Variants in NIBAN1 observed in about 807,000 individuals in gnomAD.
NIBAN1 encodes the protein protein Niban 1.
Under a neutral mutation model 75.1 loss-of-function variants are expected in NIBAN1, and 81 were observed. The observed-to-expected ratio is 1.08, with a 90% CI of 0.90 to 1.30. The LOEUF (loss-of-function observed/expected upper bound fraction) is 1.30. Among genes scored for constraint, NIBAN1 ranks in the 50% most tolerant of loss-of-function variants. The pLI is 0.00. For missense variants in NIBAN1, 1,133 were observed against 1,128.1 expected, an observed-to-expected ratio of 1.00 and a Z score of -0.06; for synonymous variants, 436 against 424.8, an observed-to-expected ratio of 1.03 and a Z score of -0.32.
intron 1 of NIBAN1, among the ~76,000 whole-genome samples, chr1:184,937,586 G>T (rs1037447367): frequency 6.6e-6 from 1 of 152,188 alleles, no homozygotes; most frequent in Non-Finnish European, 1.5e-5. Context: ...GAAAGGTGGG[G>T]CTGATGCTTT....
At chr1:184,930,527 G>A (rs2102031271) in intron 1 of NIBAN1, among the ~76,000 whole-genome samples, 1 of 152,286 alleles carries the variant, frequency 6.6e-6, no homozygotes, top group Non-Finnish European at 1.5e-5. Flanking sequence ...AGCAAGTTAT[G>A]TAATTTCAGT....
intron 5 of NIBAN1, among the ~76,000 whole-genome samples, chr1:184,876,624 C>T (rs1362009377): frequency 6.6e-6 from 1 of 151,680 alleles, no homozygotes. Context: ...CCTCTTGAGC[C>T]AGGGAGGCAG....
chr1:184,830,071 G>C (rs1654955256), intron 6 of NIBAN1, among the ~76,000 whole-genome samples: 1 of 152,218 alleles, frequency 6.6e-6, no homozygotes, highest in South Asian at 2.1e-4. Flanking sequence ...CATAGAGTCA[G>C]TGCTCAGTAA....
chr1:184,794,935 T>C lies in NIBAN1; in HGVS notation c.*42A>G, dbSNP rs746463405. ...ACCCCTAAGTGTACCCCTATAACCCTTTGGCTTTTTTCAGAGAAAGACTTC... is the reference window on the plus strand; with the variant it reads ...ACCCCTAAGTGTACCCCTATAACCCCTTGGCTTTTTTCAGAGAAAGACTTC... On this transcript the variant is annotated 3_prime_UTR_variant, in exon 14 of 14. Transcript: ENST00000367511. 5.7e-5 allele frequency: 91 copies of C among 1,602,122 alleles called. No homozygotes were observed. The highest frequency in any genetic ancestry group is 7.0e-5 in the Non-Finnish European group (83 of 1,179,942).
rs543215887 is a variant in NIBAN1 at position 184,861,572 on chromosome 1, AGGAAGGAAGGAG to A, written c.601+23049_601+23060del. On this transcript the variant is annotated intron_variant, in intron 5 of 13. Coordinates refer to ENST00000367511, the MANE Select transcript of NIBAN1 (RefSeq NM_052966.4). ...AGGGAGGAAGGGAAAGAAGGAGAGAAGGAAGGAAGGAGGGAAGGAAGGAGGGAAGGAAGGAAG... is the reference window on the plus strand; with the variant it reads ...AGGGAGGAAGGGAAAGAAGGAGAGAAGGAAGGAAGGAGGGAAGGAAGGAAG... 5.6e-4 allele frequency among the ~76,000 whole-genome samples: 74 copies of A among 132,350 alleles called. No individual in the cohort carries two copies. In the East Asian group the frequency reaches 6.8e-3, roughly 12 times the overall value. The allele number at this position is 132,350 out of a possible 152,430, so 86.8% of individuals were successfully genotyped here.
chr1:184,966,129 G>A (rs1438636258), intron 1 of NIBAN1, among the ~76,000 whole-genome samples: 1 of 152,218 alleles, frequency 6.6e-6, no homozygotes, highest in Non-Finnish European at 1.5e-5. Context: ...GTGGTAGTCT[G>A]TTACCAGGGT....
At chr1:184,940,331 C>A (rs916010782) in intron 1 of NIBAN1, among the ~76,000 whole-genome samples, 2 of 152,180 alleles carry the variant, frequency 1.3e-5, no homozygotes, top group Admixed American at 6.5e-5. Context: ...TTTAACAAAT[C>A]AGTGATTGTA....
intron 5 of NIBAN1, among the ~76,000 whole-genome samples, chr1:184,880,219 A>G (rs1656341746): frequency 6.6e-6 from 1 of 152,178 alleles, no homozygotes; most frequent in Non-Finnish European, 1.5e-5. Flanking sequence ...TCTGAGTACC[A>G]TGGGTTGATA....
At chr1:184,839,550 T>TGTGTGTGTGTGTGTGTGTGCACGCGC (rs1363596880) in intron 5 of NIBAN1, among the ~76,000 whole-genome samples, 1 of 150,688 alleles carries the variant, frequency 6.6e-6, no homozygotes, top group Non-Finnish European at 1.5e-5. Context: ...CATTCCTGTG[T>TGTGTGTGTGTGTGTGTGTGCACGCGC]GTGTGTGTGT....
chr1:184,867,619 T>A (rs1655992064), intron 5 of NIBAN1, among the ~76,000 whole-genome samples: 1 of 152,226 alleles, frequency 6.6e-6, no homozygotes, highest in African/African-American at 2.4e-5. Context: ...CAGAACCACT[T>A]GGGCTTGGGC....
Position 184,831,881 on chromosome 1 carries a change from C to T in NIBAN1, c.683G>A (p.Gly228Asp), listed in dbSNP as rs1655008499. The change falls in exon 6 of 14, where the codon GGT becomes GAT. Residue 228 changes from glycine to aspartate, a missense_variant. Transcript: ENST00000367511. Reference protein sequence around the residue: ...QFFRQEKGHYGSWEMITGDEI... With the variant: ...QFFRQEKGHYDSWEMITGDEI... ...ATCCCCAGTGATCATTTCCCAGGAA[C>T]CATAGTGACCCTTCTCCTGTCGGAA... 1 of 1,613,972 alleles carries T rather than the reference C, an allele frequency of 6.2e-7. No individual in the cohort carries two copies. The highest frequency in any genetic ancestry group is 8.5e-7 in the Non-Finnish European group (1 of 1,179,982).
intron 10 of NIBAN1, 145 bp downstream of exon 10, chr1:184,807,929 C>T: frequency 1.2e-6 from 1 of 838,530 alleles, no homozygotes; most frequent in African/African-American, 1.6e-5. Flanking sequence ...AGTGGAGGGA[C>T]AGAACGTGTC....
At chr1:184,964,807 T>G (rs1050031251) in intron 1 of NIBAN1, among the ~76,000 whole-genome samples, 4 of 152,222 alleles carry the variant, frequency 2.6e-5, no homozygotes, top group Non-Finnish European at 5.9e-5. Flanking sequence ...GTAGAGATGA[T>G]TTTGAAGTAC....
chr1:184,899,268 T>C lies in NIBAN1; in HGVS notation c.97A>G (p.Ser33Gly). Residue 33 changes from serine to glycine, a missense_variant, in exon 2 of 14, where the codon AGT becomes GGT. Ser to Gly is a moderately conservative substitution (Grantham distance 56). Transcript: ENST00000367511. The stretch of plus-strand genomic sequence containing the variant: ...CAGAAAGCCACAGAGTACTGACGAC[T>C]GTAGTAGGGACTGAAGTTTTTGATG... The part of the protein sequence containing the change: ...AAIKNFSPYY[S>G]RQYSVAFCNH... 2 of 1,613,938 alleles carry C rather than the reference T, an allele frequency of 1.2e-6. No individual in the cohort carries two copies. Among genetic ancestry groups the C allele is most frequent in the Non-Finnish European group, 1.7e-6 (2 of 1,179,840 alleles).
At chr1:184,925,908 G>A (rs1657668878) in intron 1 of NIBAN1, among the ~76,000 whole-genome samples, 1 of 152,078 alleles carries the variant, frequency 6.6e-6, no homozygotes, top group Non-Finnish European at 1.5e-5. Context: ...CTTTTTCTGT[G>A]TACTTACTGT....
intron 1 of NIBAN1, among the ~76,000 whole-genome samples, chr1:184,956,134 T>C (rs1026916645): frequency 4.6e-5 from 7 of 152,104 alleles, no homozygotes; most frequent in Non-Finnish European, 8.8e-5. Context: ...GTTCCAGCGA[T>C]CTTCCTACCT....
At chr1:184,810,777 A>G (rs1654353563) in intron 9 of NIBAN1, among the ~76,000 whole-genome samples, 1 of 152,180 alleles carries the variant, frequency 6.6e-6, no homozygotes, top group African/African-American at 2.4e-5. Context: ...CTGTGATTCT[A>G]GGGACTGCCC....
chr1:184,841,367 T>A (rs1423573423), intron 5 of NIBAN1, among the ~76,000 whole-genome samples: 1 of 152,224 alleles, frequency 6.6e-6, no homozygotes, highest in African/African-American at 2.4e-5. Flanking sequence ...TTGAGCCTCA[T>A]AAATGCGAAA....
In NIBAN1 at chr1:184,800,007, A is replaced by C. The variant is rs1457861504; in HGVS notation, c.1555-1817T>G. ...TGATCCGCCCGCCTCGGCCTCCCAA[A>C]GTGCTGGGATTACAGGCGTGAGCCA... On this transcript the variant is annotated intron_variant, in intron 12 of 13. Coordinates refer to ENST00000367511, the MANE Select transcript of NIBAN1 (RefSeq NM_052966.4). Among the ~76,000 whole-genome samples the C allele has an allele frequency of 4.0e-5, 4 of 101,160 alleles. 2 individuals carry two copies. Among genetic ancestry groups the C allele is most frequent in the African/African-American group, 2.1e-4 (4 of 19,342 alleles). The allele number at this position is 101,160 out of a possible 152,430, so 66.4% of individuals were successfully genotyped here.
Sources: gnomAD v4.1 joint callset for allele counts (sites outside exome capture counted in the v4.1 genomes callset) on GRCh38, gnomAD v4.1.1 for gene constraint, MANE v1.5 for transcripts, NCBI Gene and HGNC (gene_info 2026-07-23, HGNC 2026-07-21) for gene names.